Variants in SCUBE1 observed in about 807,000 individuals in gnomAD.
SCUBE1 encodes signal peptide, CUB and EGF-like domain-containing protein 1.
Under a neutral mutation model 124.4 loss-of-function variants are expected in SCUBE1, and 59 were observed. The ratio of observed to expected loss-of-function variants is 0.47; its 90% CI spans 0.38 to 0.59. The LOEUF (loss-of-function observed/expected upper bound fraction) is 0.59. SCUBE1 is among the 20% of genes least tolerant of loss of function. The pLI is 0.00. For synonymous variants in SCUBE1, 545 were observed against 550.9 expected, an observed-to-expected ratio of 0.99 and a Z score of 0.15; for missense variants, 1,150 against 1,371.2, an observed-to-expected ratio of 0.84 and a Z score of 2.55.
intron 4 of SCUBE1, among the ~76,000 whole-genome samples, chr22:43,274,642 C>T (rs1048365182): frequency 2.0e-5 from 3 of 152,274 alleles, no homozygotes; most frequent in South Asian, 2.1e-4. Context: ...CCTGGGAACC[C>T]GGAAGGAGAC....
chr22:43,317,209 T>A (rs1359917191), intron 3 of SCUBE1: 2 of 152,298 alleles, frequency 1.3e-5, no homozygotes, highest in Non-Finnish European at 2.9e-5. Flanking sequence ...ACAATCTAAA[T>A]GTCTAACCAC....
intron 4 of SCUBE1, among the ~76,000 whole-genome samples, chr22:43,290,622 T>A (rs1925321972): frequency 1.3e-5 from 2 of 152,148 alleles, no homozygotes; most frequent in Non-Finnish European, 2.9e-5. Context: ...GGAAACCCAA[T>A]GAACATGCAG....
chr22:43,297,619 T>C (rs1322957120), intron 3 of SCUBE1, among the ~76,000 whole-genome samples: 1 of 152,212 alleles, frequency 6.6e-6, no homozygotes, highest in Non-Finnish European at 1.5e-5. Flanking sequence ...CAGCAGGCCA[T>C]AGGTTGACCC....
intron 4 of SCUBE1, among the ~76,000 whole-genome samples, chr22:43,280,737 C>CTCGGCCACCCTCCTGTCACCTCCCTCA (rs1569009771): frequency 5.0e-5 from 3 of 59,698 alleles, no homozygotes; most frequent in African/African-American, 2.1e-4. Context: ...CACCTTCCTC[C>CTCGGCCACCCTCCTGTCACCTCCCTCA]TCGGCCACCC....
intron 2 of SCUBE1, among the ~76,000 whole-genome samples, chr22:43,330,244 G>A (rs951320510): frequency 6.6e-6 from 1 of 152,150 alleles, no homozygotes; most frequent in African/African-American, 2.4e-5. Flanking sequence ...CTGGCTCACG[G>A]AGTTAGGAGG....
chr22:43,211,035 A>T lies in SCUBE1; in HGVS notation c.2270T>A (p.Ile757Asn). The T allele has an allele frequency of 1.9e-6, 3 of 1,614,004 alleles. No individual in the cohort carries two copies. Among genetic ancestry groups the T allele is most frequent in the Non-Finnish European group, 2.5e-6 (3 of 1,179,978 alleles). Residue 757 changes from isoleucine to asparagine, a missense_variant, in exon 18 of 22, where the codon ATC (isoleucine) becomes AAC (asparagine). By Grantham distance (149) the Ile-to-Asn change is moderately radical. Coordinates refer to ENST00000360835, the MANE Select transcript of SCUBE1 (RefSeq NM_173050.5). This position sits in a 1 kb window ranked among gnomAD's most constrained non-coding sequence, Gnocchi z 4.5. ...HHYNTTTHRC[I>N]RCPVGTYQPE... is the part of the protein sequence containing the mutation. The stretch of plus-strand genomic sequence containing the variant: ...CTGGTAGGTGCCGACGGGGCAGCGG[A>T]TGCAGCGGTGGGTGGTGGTGTTGTA...
intron 8 of SCUBE1, among the ~76,000 whole-genome samples, chr22:43,230,406 C>A (rs772297664): frequency 1.6e-4 from 25 of 151,888 alleles, no homozygotes; most frequent in Non-Finnish European, 2.6e-4. Context: ...AGCCCAGAGC[C>A]CCAAGGCCTC....
chr22:43,263,300 G>A (rs768093200), intron 4 of SCUBE1, among the ~76,000 whole-genome samples: 1 of 152,038 alleles, frequency 6.6e-6, no homozygotes, highest in East Asian at 1.9e-4. Flanking sequence ...ACCCCCTTCC[G>A]TTGACCTCAG....
intron 2 of SCUBE1, among the ~76,000 whole-genome samples, chr22:43,326,107 A>T (rs530010492): frequency 1.3e-5 from 2 of 152,262 alleles, no homozygotes; most frequent in East Asian, 3.9e-4. Flanking sequence ...ACTGACTAGA[A>T]ACATTCTCAA....
At chr22:43,231,176 T>C (rs1464871415) in intron 8 of SCUBE1, among the ~76,000 whole-genome samples, 2 of 152,136 alleles carry the variant, frequency 1.3e-5, no homozygotes, top group African/African-American at 4.8e-5. Flanking sequence ...TTTACCTCCC[T>C]GGCTCCTCCT....
At position 43,220,518 on chromosome 22, in the gene SCUBE1, G is replaced by A; in HGVS notation, c.1619C>T (p.Ser540Phe). ...SSKKRRRGRKSPSKEVSHITA... is the reference protein window; with the variant it reads ...SSKKRRRGRKFPSKEVSHITA... ...GATGTGGGACACCTCCTTGGATGGGGACTTGCGGCCACGGCGCCTCTTCTT... is the reference window on the plus strand; with the variant it reads ...GATGTGGGACACCTCCTTGGATGGGAACTTGCGGCCACGGCGCCTCTTCTT... Residue 540 changes from serine to phenylalanine, a missense_variant, in exon 14 of 22, where the codon TCC becomes TTC. Coordinates refer to ENST00000360835, the MANE Select transcript of SCUBE1 (RefSeq NM_173050.5). 4 of 1,614,154 alleles carry A rather than the reference G, an allele frequency of 2.5e-6. No homozygotes were observed. Among genetic ancestry groups the A allele is most frequent in the Non-Finnish European group, 2.5e-6 (3 of 1,180,018 alleles).
intron 1 of SCUBE1, among the ~76,000 whole-genome samples, chr22:43,339,770 ATT>A (rs1254366745): frequency 1.5e-5 from 1 of 66,738 alleles, no homozygotes; most frequent in African/African-American, 5.3e-5. Flanking sequence ...CACTCTCCTC[ATT>A]CTATCCCCCC....
In SCUBE1 at chr22:43,211,215, C is replaced by T. The variant is rs538235381; in HGVS notation, c.2222-132G>A. 5.0e-4 allele frequency: 444 copies of T among 884,442 alleles called. No homozygotes were observed. Among genetic ancestry groups the T allele is most frequent in the Admixed American group, 1.1e-3 (45 of 40,876 alleles). 54.8% of individuals were successfully genotyped at this position (884,442 alleles called of 1,614,324 possible). ...CACAGAGTTCAAGGCTCCTCCCCAC[C>T]GCCCCATGACCTCCCACCACCCTCA... On this transcript the variant is annotated intron_variant, in intron 17 of 21. Coordinates refer to ENST00000360835, the MANE Select transcript of SCUBE1 (RefSeq NM_173050.5). This position sits in a 1 kb window ranked among gnomAD's most constrained non-coding sequence, Gnocchi z 4.5.
At chr22:43,208,256 C>A (rs1921383029) in intron 19 of SCUBE1, 32 bp from the exon 20 acceptor site, 1 of 1,609,254 alleles carries the variant, frequency 6.2e-7, no homozygotes, top group Non-Finnish European at 8.5e-7. Flanking sequence ...TGAGCTGCCA[C>A]AGGTAGGCAG....
At chr22:43,209,949 T>G (rs1921468550) in intron 19 of SCUBE1, 94 bp downstream of exon 19, 7 of 1,369,160 alleles carry the variant, frequency 5.1e-6, no homozygotes, top group Non-Finnish European at 7.0e-6. Context: ...CTCTCTGCCC[T>G]GTGAAGGCAG....
chr22:43,247,996 G>A (rs1923285088), intron 6 of SCUBE1, among the ~76,000 whole-genome samples: 1 of 152,208 alleles, frequency 6.6e-6, no homozygotes, highest in African/African-American at 2.4e-5. Context: ...TTAGACCAGC[G>A]GCCAAGAAAC....
chr22:43,331,272 T>A lies in SCUBE1; in HGVS notation c.220+7832A>T, dbSNP rs79814387. ...TTATTTACATTCATTACATACATGC[T>A]AATTTTGTGATATCTGATGGCCATA... On this transcript the variant is annotated intron_variant, in intron 2 of 21. Coordinates refer to ENST00000360835, the MANE Select transcript of SCUBE1 (RefSeq NM_173050.5). 2.0e-4 allele frequency among the ~76,000 whole-genome samples: 31 copies of A among 152,324 alleles called. 1 individual carries two copies. Among genetic ancestry groups the A allele is most frequent in the African/African-American group, 6.7e-4 (28 of 41,576 alleles).
At chr22:43,305,927 CTA>C (rs1925952171) in intron 3 of SCUBE1, among the ~76,000 whole-genome samples, 2 of 152,320 alleles carry the variant, frequency 1.3e-5, no homozygotes, top group South Asian at 4.1e-4. Context: ...TGCCAGCAGT[CTA>C]TTTCTAGCTG....
intron 2 of SCUBE1, among the ~76,000 whole-genome samples, chr22:43,323,335 A>G (rs1926618630): frequency 6.6e-6 from 1 of 152,042 alleles, no homozygotes; most frequent in East Asian, 1.9e-4. Context: ...CTATCCATCC[A>G]TCTACTCACC....
Sources: allele counts gnomAD v4.1 joint callset (sites outside exome capture counted in the v4.1 genomes callset), GRCh38; gene constraint gnomAD v4.1.1; non-coding constraint Gnocchi (gnomAD v3.1); transcripts MANE v1.5; gene names NCBI Gene and HGNC (gene_info 2026-07-23, HGNC 2026-07-21).